UBN2: variants seen among roughly 807,000 people sequenced by gnomAD.
UBN2 encodes ubinuclein-2.
In UBN2, 35 loss-of-function variants were observed where a neutral mutation model predicts 120.2. The observed-to-expected ratio is 0.29, with a 90% CI of 0.22 to 0.39. The LOEUF (loss-of-function observed/expected upper bound fraction) is 0.39. Ranked by LOEUF, UBN2 falls within the 10% of genes least tolerant of loss-of-function variation. UBN2 has a pLI of 1.00. For missense variants in UBN2, 1,693 were observed against 1,663.2 expected (o/e 1.02, Z -0.31); for synonymous variants, 661 against 648.7 (o/e 1.02, Z -0.29).
intron 9 of UBN2, 42 bp from the exon 10 acceptor site, chr7:139,273,255 T>G: frequency 7.2e-7 from 1 of 1,384,542 alleles, no homozygotes; most frequent in South Asian, 1.3e-5. Context: ...ATAGGCAGTG[T>G]TGGGTTAAAA....
At chr7:139,296,635 TCTC>T (rs766835628) in intron 17 of UBN2, among the ~76,000 whole-genome samples, 1 of 152,152 alleles carries the variant, frequency 6.6e-6, no homozygotes, top group Admixed American at 6.5e-5. Context: ...CCCCCTTTCC[TCTC>T]CTCCTGTCCA....
intron 5 of UBN2, 51 bp downstream of exon 5, chr7:139,259,421 T>C (rs1796865159): frequency 6.3e-7 from 1 of 1,598,280 alleles, no homozygotes; most frequent in Non-Finnish European, 8.5e-7. Flanking sequence ...TCTGACTGTC[T>C]CTCCCTTTAG....
At chr7:139,263,420 T>G (rs1269648275) in intron 6 of UBN2, among the ~76,000 whole-genome samples, 1 of 152,114 alleles carries the variant, frequency 6.6e-6, no homozygotes, top group Admixed American at 6.5e-5. Context: ...AACTGTGGAT[T>G]GAGACTTATC....
the UBN2 span, among the ~76,000 whole-genome samples, chr7:139,314,618 T>G: frequency 6.6e-6 from 1 of 151,924 alleles, no homozygotes; most frequent in Non-Finnish European, 1.5e-5. Flanking sequence ...CCCAAGTAGC[T>G]GGAATTATAG....
rs189018013 is a variant in UBN2, at chr7:139,274,160, A to G, written c.1973+86A>G. ...ATACATACACATACACATATGTGAC[A>G]TTGATTTTGCTAAGAACCTAATATA... On this transcript the variant is annotated intron_variant, in intron 11 of 17. Transcript: ENST00000473989. The G allele has an allele frequency of 2.5e-4, 324 of 1,305,794 alleles. 4 individuals carry two copies. The African/African-American group carries it at 4.6e-3, about 18-fold the overall frequency. 80.9% of individuals were successfully genotyped at this position (1,305,794 alleles called of 1,614,324 possible). A position where few individuals can be genotyped will look rare whatever the true frequency, so the allele number is the denominator to read the frequency against.
Position 139,300,854 on chromosome 7 carries a change from G to C in UBN2, c.*3018G>C, listed in dbSNP as rs1324564038. The C allele has an allele frequency of 6.6e-6, 1 of 152,118 alleles. No individual in the cohort carries two copies. The highest frequency in any genetic ancestry group is 1.5e-5 in the Non-Finnish European group (1 of 68,020). The allele number at this position is 152,118 out of a possible 1,614,324, so 9.4% of individuals were successfully genotyped here. A position where few individuals can be genotyped will look rare whatever the true frequency, so the allele number is the denominator to read the frequency against. On this transcript the variant is annotated 3_prime_UTR_variant, in exon 18 of 18. Coordinates refer to ENST00000473989, the MANE Select transcript of UBN2 (RefSeq NM_173569.4). ...TGTGCTGAGCCTCAGTTGGAGACTG[G>C]GAGCAAAGTGTCAAGCTCATTCAGA...
At chr7:139,260,118 A>G (rs530860516) in intron 5 of UBN2, among the ~76,000 whole-genome samples, 1 of 147,860 alleles carries the variant, frequency 6.8e-6, no homozygotes, top group African/African-American at 2.5e-5. Context: ...TTTCTCTTTT[A>G]GATAGGGTCT....
Position 139,303,083 on chromosome 7 carries a change from T to TA in UBN2, c.*5248dup, listed in dbSNP as rs1160003978. 1 of 152,228 alleles carries TA rather than the reference T, an allele frequency of 6.6e-6. No homozygotes were observed. Among genetic ancestry groups the TA allele is most frequent in the Admixed American group, 6.5e-5 (1 of 15,284 alleles). 9.4% of individuals were successfully genotyped at this position (152,228 alleles called of 1,614,324 possible). ...TGGAAAATGATTTTTGAAGAAATCATATAGCTGCATATCTATCTGTTAAAA... is the reference window on the plus strand; with the variant it reads ...TGGAAAATGATTTTTGAAGAAATCATAATAGCTGCATATCTATCTGTTAAAA... On this transcript the variant is annotated 3_prime_UTR_variant, in exon 18 of 18. Coordinates refer to ENST00000473989, the MANE Select transcript of UBN2 (RefSeq NM_173569.4).
At chr7:139,279,275 A>T (rs1173845147) in intron 12 of UBN2, 43 bp from the exon 13 acceptor site, 1 of 1,492,956 alleles carries the variant, frequency 6.7e-7, no homozygotes, top group Non-Finnish European at 9.3e-7. Flanking sequence ...AATGAGCAAT[A>T]TAACTGCTAC....
Position 139,247,133 on chromosome 7 carries a change from T to A in UBN2, c.562-4823T>A, listed in dbSNP as rs537821119. 2.6e-5 allele frequency among the ~76,000 whole-genome samples: 4 copies of A among 151,866 alleles called. No homozygotes were observed. In the South Asian group the frequency reaches 6.2e-4, roughly 24 times the overall value. The stretch of plus-strand genomic sequence containing the variant: ...TATGCTTAATAAGAAACTACCTGAT[T>A]CGCTGAGAGAGAGCTTTAAAGGAAA... On this transcript the variant is annotated intron_variant, in intron 2 of 17. Coordinates refer to ENST00000473989, the MANE Select transcript of UBN2 (RefSeq NM_173569.4).
At chr7:139,235,014 CTG>C (rs1320939846) in intron 1 of UBN2, among the ~76,000 whole-genome samples, 3 of 152,038 alleles carry the variant, frequency 2.0e-5, no homozygotes, top group African/African-American at 7.2e-5. Context: ...TTATTCTTAA[CTG>C]TGAAAGAAAA....
chr7:139,247,233 A>G (rs888839628), intron 2 of UBN2, among the ~76,000 whole-genome samples: 1 of 152,126 alleles, frequency 6.6e-6, no homozygotes, highest in African/African-American at 2.4e-5. Context: ...GTGATGAATC[A>G]GAGAACAATT....
intron 2 of UBN2, among the ~76,000 whole-genome samples, chr7:139,245,204 T>G (rs923127281): frequency 6.7e-6 from 1 of 149,324 alleles, no homozygotes; most frequent in African/African-American, 2.5e-5. Flanking sequence ...CCTCCCAAAG[T>G]GCTGGGATTA....
chr7:139,271,020 G>A (rs1797255758), intron 8 of UBN2, among the ~76,000 whole-genome samples: 1 of 151,948 alleles, frequency 6.6e-6, no homozygotes. Context: ...GACCTCAGGT[G>A]ATCTGCCTGC....
At position 139,258,636 on chromosome 7, in the gene UBN2, C is replaced by T. The variant is rs753968828; in HGVS notation, c.801+11C>T. ...CACAAGCCACCCAAGGTGAGTTTAT[C>T]AAACATTGCAACAGTACTGAGAATG... On this transcript the variant is annotated intron_variant, in intron 4 of 17. Coordinates refer to ENST00000473989, the MANE Select transcript of UBN2 (RefSeq NM_173569.4). 1 of 1,582,604 alleles carries T rather than the reference C, an allele frequency of 6.3e-7. No individual in the cohort carries two copies. The highest frequency in any genetic ancestry group is 1.2e-5 in the South Asian group (1 of 85,908).
chr7:139,311,506 C>T (rs1798446347), downstream of UBN2, among the ~76,000 whole-genome samples: 1 of 152,228 alleles, frequency 6.6e-6, no homozygotes, highest in Admixed American at 6.5e-5. Context: ...CTTTCAAGCC[C>T]ATTTCCTCAT....
At chr7:139,236,915 G>A (rs1796178253) in intron 1 of UBN2, 90 bp from the exon 2 acceptor site, 1 of 694,570 alleles carries the variant, frequency 1.4e-6, no homozygotes, top group Admixed American at 2.6e-5. Context: ...AATTGAAGTG[G>A]TTGTTACATA....
rs1246145447 is a variant in UBN2, at chr7:139,290,369, A to G, written c.3670-2863A>G. 2.0e-5 allele frequency among the ~76,000 whole-genome samples: 3 copies of G among 152,382 alleles called. 1 individual carries two copies. The highest frequency in any genetic ancestry group is 2.0e-4 in the Admixed American group (3 of 15,308). On this transcript the variant is annotated intron_variant, in intron 15 of 17. Coordinates refer to ENST00000473989, the MANE Select transcript of UBN2 (RefSeq NM_173569.4). ...TGTGGTTGGCACAGTACAGGAAAAG[A>G]CAGGCAAATAAGAAAAACTGTCAGG... is the stretch of plus-strand genomic sequence containing the variant.
chr7:139,279,491 A>G (rs996026688), intron 13 of UBN2, 131 bp downstream of exon 13: 2 of 646,898 alleles, frequency 3.1e-6, no homozygotes, highest in Non-Finnish European at 5.1e-6. Context: ...TCAACTTCAT[A>G]ATAATCTTAG....
Sources: gnomAD v4.1 joint callset for allele counts (sites outside exome capture counted in the v4.1 genomes callset) on GRCh38, gnomAD v4.1.1 for gene constraint, MANE v1.5 for transcripts, NCBI Gene and HGNC (gene_info 2026-07-23, HGNC 2026-07-21) for gene names.